Variants in NIF3L1 observed in about 807,000 individuals in gnomAD.
The protein encoded by NIF3L1 is NGG1 interacting factor 3 like 1.
In NIF3L1, 26 loss-of-function variants were observed where a neutral mutation model predicts 35.0. That is an observed-to-expected ratio of 0.74 (90% CI 0.54 to 1.03). The LOEUF (loss-of-function observed/expected upper bound fraction) is 1.03. Among genes scored for constraint, NIF3L1 ranks in the 50% least tolerant of loss-of-function variants. NIF3L1 has a pLI of 0.00. For missense variants in NIF3L1, 449 were observed against 466.3 expected (o/e 0.96, Z 0.34); for synonymous variants, 157 against 178.9 (o/e 0.88, Z 0.98).
intron 6 of NIF3L1, among the ~76,000 whole-genome samples, chr2:200,902,306 G>A (rs868277632): frequency 2.6e-5 from 4 of 152,160 alleles, no homozygotes; most frequent in Non-Finnish European, 4.4e-5. Context: ...GGTGGCTCAC[G>A]CCTGTAATCC....
intron 5 of NIF3L1, among the ~76,000 whole-genome samples, chr2:200,898,743 T>TG (rs1304942640): frequency 1.1e-4 from 17 of 152,230 alleles, no homozygotes; most frequent in Non-Finnish European, 8.8e-5. Flanking sequence ...GCTCGAAAGT[T>TG]GCTGTTATTT....
At position 200,889,710 on chromosome 2, in the gene NIF3L1, A is replaced by G. The variant is rs183953004; in HGVS notation, c.-27+58A>G. On this transcript the variant is annotated intron_variant, in intron 1 of 6. Transcript: ENST00000409020. ...AGGGGCCCTACTGATGCTGCTTAAT[A>G]GTAAACAGTGCTTACTCTAGGACGG... is the stretch of plus-strand genomic sequence containing the variant. 5 of 153,172 alleles carry G rather than the reference A, an allele frequency of 3.3e-5. 1 individual carries two copies. The highest frequency in any genetic ancestry group is 3.3e-4 in the Admixed American group (5 of 15,354). The allele number at this position is 153,172 out of a possible 1,614,324, so 9.5% of individuals were successfully genotyped here. A position where few individuals can be genotyped will look rare whatever the true frequency, so the allele number is the denominator to read the frequency against.
intron 6 of NIF3L1, among the ~76,000 whole-genome samples, chr2:200,902,308 C>T (rs1439482652): frequency 1.3e-5 from 2 of 152,214 alleles, no homozygotes; most frequent in African/African-American, 4.8e-5. Flanking sequence ...TGGCTCACGC[C>T]TGTAATCCCA....
chr2:200,896,214 T>G (rs13384245), intron 4 of NIF3L1, among the ~76,000 whole-genome samples: 25,417 of 152,078 alleles, frequency 0.17, 2,321 homozygotes, highest in African/African-American at 0.2. Flanking sequence ...TTGGAAGCCC[T>G]TAATGATCTG....
In NIF3L1 at chr2:200,903,818, C is replaced by A. The variant is rs527419355; in HGVS notation, c.*140C>A. On this transcript the variant is annotated 3_prime_UTR_variant, in exon 7 of 7. Transcript: ENST00000409020. ...ATTTCCGGTTTGTTAATCTTATTCA[C>A]CAAATGTTCTATCGCTCGTAAGGTA... The A allele has an allele frequency of 7.1e-6, 5 of 709,054 alleles. No individual in the cohort carries two copies. The South Asian group carries it at 7.7e-5, about 11-fold the overall frequency. 43.9% of individuals were successfully genotyped at this position (709,054 alleles called of 1,614,324 possible). A position where few individuals can be genotyped will look rare whatever the true frequency, so the allele number is the denominator to read the frequency against.
intron 4 of NIF3L1, 98 bp downstream of exon 4, chr2:200,895,488 A>G (rs890694365): frequency 4.2e-6 from 5 of 1,204,096 alleles, no homozygotes; most frequent in Admixed American, 1.9e-5. Context: ...ATATTGAGGT[A>G]TACCTTATTG....
chr2:200,891,847 A>T, intron 1 of NIF3L1, 71 bp from the exon 2 acceptor site: 7 of 903,522 alleles, frequency 7.7e-6, no homozygotes, highest in Non-Finnish European at 1.2e-5. Flanking sequence ...TCTTTTGCCC[A>T]TATGTTTTGA....
At chr2:200,897,797 T>C (rs2040343321) in intron 5 of NIF3L1, among the ~76,000 whole-genome samples, 1 of 152,126 alleles carries the variant, frequency 6.6e-6, no homozygotes, top group Admixed American at 6.6e-5. Context: ...ACAAAAAGAG[T>C]GAACAGACAT....
intron 6 of NIF3L1, among the ~76,000 whole-genome samples, chr2:200,902,082 G>A (rs1163611798): frequency 6.6e-6 from 1 of 152,056 alleles, no homozygotes; most frequent in East Asian, 1.9e-4. Context: ...TTTACTTATA[G>A]GTGTTTTCTT....
intron 4 of NIF3L1, 91 bp downstream of exon 4, chr2:200,895,481 T>TCAA: frequency 2.4e-6 from 3 of 1,274,874 alleles, no homozygotes; most frequent in Non-Finnish European, 3.4e-6. Flanking sequence ...CTTAGGTATA[T>TCAA]TGAGGTATAC....
In NIF3L1 at chr2:200,891,912, C is replaced by G. The variant is rs959963874; in HGVS notation, c.-26-6C>G. On this transcript the variant is annotated splice_region_variant and splice_polypyrimidine_tract_variant and intron_variant, in intron 1 of 6. Transcript: ENST00000409020. ...CTGTGTACCATTTTCTTTGTTTTGACATCAGAAACTTGAACTTTACCTGAT... is the reference window on the plus strand; with the variant it reads ...CTGTGTACCATTTTCTTTGTTTTGAGATCAGAAACTTGAACTTTACCTGAT... 2 of 1,513,084 alleles carry G rather than the reference C, an allele frequency of 1.3e-6. No homozygotes were observed. The highest frequency in any genetic ancestry group is 9.0e-7 in the Non-Finnish European group (1 of 1,116,170). 93.7% of individuals were successfully genotyped at this position (1,513,084 alleles called of 1,614,324 possible).
Position 200,893,298 on chromosome 2 carries a change from A to C in NIF3L1, c.489A>C (p.Thr163=). 6.2e-7 allele frequency: 1 copy of C among 1,606,598 alleles called. No individual in the cohort carries two copies. Residue 163 remains threonine, a synonymous_variant, in exon 3 of 7, where the codon ACA becomes ACC. Coordinates refer to ENST00000409020, the MANE Select transcript of NIF3L1 (RefSeq NM_001369441.2). ...IHPSKAPNYP[T]EGNHRVEFNV... is the part of the protein sequence containing the mutation. ...CTTCCAAAGCTCCCAACTACCCTAC[A>C]GAGGGAAACCACCGAGTAGAATTCA...
intron 6 of NIF3L1, among the ~76,000 whole-genome samples, chr2:200,901,926 C>A (rs2040414788): frequency 1.3e-5 from 2 of 152,022 alleles, no homozygotes; most frequent in South Asian, 4.2e-4. Context: ...ATCTTAGTGT[C>A]TTTTTCTTGC....
chr2:200,895,518 A>C (rs2040291206), intron 4 of NIF3L1, 128 bp downstream of exon 4: 2 of 862,804 alleles, frequency 2.3e-6, no homozygotes, highest in Non-Finnish European at 3.6e-6. Flanking sequence ...TGATATACTA[A>C]GAATTGTACA....
Position 200,892,225 on chromosome 2 carries a change from G to C in NIF3L1, c.282G>C (p.Pro94=), listed in dbSNP as rs374971685. ...KKADLILSYH[P]PIFRPMKRIT... is the part of the protein sequence containing the mutation. ...CAGACCTCATTCTCTCCTACCATCC[G>C]CCTATCTTCCGACCCATGAAGCGCA... The change falls in exon 2 of 7, where the codon CCG becomes CCC. Residue 94 remains proline (P), a synonymous_variant. Coordinates refer to ENST00000409020, the MANE Select transcript of NIF3L1 (RefSeq NM_001369441.2). 6.2e-7 allele frequency: 1 copy of C among 1,614,130 alleles called. No homozygotes were observed. The highest frequency in any genetic ancestry group is 8.5e-7 in the Non-Finnish European group (1 of 1,180,034).
rs991141376 is a variant in NIF3L1, at chr2:200,903,407, A to G, written c.950-87A>G. 2.8e-6 allele frequency: 3 copies of G among 1,053,972 alleles called. No individual in the cohort carries two copies. The African/African-American group carries it at 4.8e-5, about 17-fold the overall frequency. 65.3% of individuals were successfully genotyped at this position (1,053,972 alleles called of 1,614,324 possible). A position where few individuals can be genotyped will look rare whatever the true frequency, so the allele number is the denominator to read the frequency against. On this transcript the variant is annotated intron_variant, in intron 6 of 6. Coordinates refer to ENST00000409020, the MANE Select transcript of NIF3L1 (RefSeq NM_001369441.2). ...CTATTACATTCACTTCATATAGACT[A>G]CAAACTTGGTATTTCTGCTTTTGTG...
chr2:200,895,545 T>C lies in NIF3L1; in HGVS notation c.726+155T>C, dbSNP rs1036334792. The stretch of plus-strand genomic sequence containing the variant: ...AATTGTACATATTTGATGTGTACAA[T>C]TTGATGAATATCATTACTTTGCATT... On this transcript the variant is annotated intron_variant, in intron 4 of 6. Coordinates refer to ENST00000409020, the MANE Select transcript of NIF3L1 (RefSeq NM_001369441.2). Among the ~76,000 whole-genome samples, 41 of 152,246 alleles carry C rather than the reference T, an allele frequency of 2.7e-4. 1 individual carries two copies. The highest frequency in any genetic ancestry group is 6.5e-5 in the Admixed American group (1 of 15,288).
chr2:200,899,092 A>C (rs1392936049), intron 5 of NIF3L1: 1 of 296,438 alleles, frequency 3.4e-6, no homozygotes, highest in African/African-American at 2.2e-5. Flanking sequence ...CAAAGATTAC[A>C]CGCAAATTTG....
Position 200,895,287 on chromosome 2 carries a change from G to A in NIF3L1, c.623G>A (p.Arg208Gln), listed in dbSNP as rs377683187. ...SARTGNEEQTRINLNCTQKAL... is the reference protein window; with the variant it reads ...SARTGNEEQTQINLNCTQKAL... ...AGGACTGGTAATGAGGAACAAACAC[G>A]GATTAATCTGAATTGTACTCAGAAG... Residue 208 changes from arginine (R) to glutamine (Q), a missense_variant, in exon 4 of 7, where the codon CGG (arginine) becomes CAG (glutamine). Arg to Gln is a conservative substitution (Grantham distance 43, BLOSUM62 1). Coordinates refer to ENST00000409020, the MANE Select transcript of NIF3L1 (RefSeq NM_001369441.2). The A allele has an allele frequency of 8.7e-6, 14 of 1,613,766 alleles. No individual in the cohort carries two copies. The highest frequency in any genetic ancestry group is 2.2e-5 in the East Asian group (1 of 44,862).
Sources: allele counts gnomAD v4.1 joint callset (sites outside exome capture counted in the v4.1 genomes callset), GRCh38; gene constraint gnomAD v4.1.1; transcripts MANE v1.5; gene names NCBI Gene and HGNC (gene_info 2026-07-23, HGNC 2026-07-21).